NXPE2: variants seen among roughly 807,000 people sequenced by gnomAD.
NXPE2 encodes the protein NXPE family member 2.
NXPE2 carries 34 observed loss-of-function variants against 34.4 expected under a neutral mutation model. That is an observed-to-expected ratio of 0.99 (90% CI 0.75 to 1.31). The LOEUF (loss-of-function observed/expected upper bound fraction) is 1.31, where lower values mean the gene tolerates loss of function less well. NXPE2 is among the 40% of genes most tolerant of loss of function. NXPE2 has a pLI of 0.00. For missense variants in NXPE2, 649 were observed against 672.5 expected (o/e 0.97, Z 0.39); for synonymous variants, 235 against 231.3 (o/e 1.02, Z -0.15).
chr11:114,808,671 A>G, the NXPE2 span, among the ~76,000 whole-genome samples: 2 of 150,864 alleles, frequency 1.3e-5, no homozygotes, highest in Non-Finnish European at 2.9e-5. Flanking sequence ...GAATAGACCA[A>G]TAACAGGCTC....
the NXPE2 span, among the ~76,000 whole-genome samples, chr11:114,729,019 C>A: frequency 5.3e-5 from 8 of 151,956 alleles, no homozygotes; most frequent in Non-Finnish European, 1.0e-4. Flanking sequence ...TGATTTATCC[C>A]ATCACCCAGA....
the NXPE2 span, among the ~76,000 whole-genome samples, chr11:114,748,514 A>G: frequency 6.6e-6 from 1 of 152,142 alleles, no homozygotes. Flanking sequence ...CCCAATTCTC[A>G]GTCTTTTCTT....
At chr11:114,784,706 G>A in the NXPE2 span, among the ~76,000 whole-genome samples, 1 of 152,140 alleles carries the variant, frequency 6.6e-6, no homozygotes, top group Non-Finnish European at 1.5e-5. Context: ...GAGAGCATTT[G>A]TGTGGACCCA....
chr11:114,732,221 C>G, the NXPE2 span, among the ~76,000 whole-genome samples: 28 of 152,230 alleles, frequency 1.8e-4, no homozygotes, highest in Admixed American at 5.2e-4. Context: ...AAAATGTTCC[C>G]TTATCTCCAT....
At chr11:114,551,227 C>A in the NXPE2 span, 1 of 1,468,690 alleles carries the variant, frequency 6.8e-7, no homozygotes. Flanking sequence ...AGAGATGACA[C>A]AAGAGAGGAG....
the NXPE2 span, among the ~76,000 whole-genome samples, chr11:114,740,576 A>G: frequency 2.0e-5 from 3 of 152,164 alleles, no homozygotes; most frequent in Admixed American, 6.5e-5. Flanking sequence ...ACCAATTTAC[A>G]TTCCCACTAA....
At chr11:114,710,405 T>A (rs868486662), downstream of NXPE2, among the ~76,000 whole-genome samples, 21 of 152,200 alleles carry the variant, frequency 1.4e-4, no homozygotes, top group South Asian at 1.0e-3. Context: ...AAATGGGCAA[T>A]GAGACATTAA....
At chr11:114,795,165 C>T in the NXPE2 span, among the ~76,000 whole-genome samples, 1 of 152,142 alleles carries the variant, frequency 6.6e-6, no homozygotes, top group Non-Finnish European at 1.5e-5. Flanking sequence ...TGTATATTGA[C>T]AATCCTGGGA....
the NXPE2 span, among the ~76,000 whole-genome samples, chr11:114,731,177 G>A: frequency 6.6e-6 from 1 of 151,670 alleles, no homozygotes; most frequent in African/African-American, 2.4e-5. Flanking sequence ...TTTAAATTCT[G>A]TCCAACATAC....
At chr11:114,694,364 A>G (rs1237746083) in intron 2 of NXPE2, among the ~76,000 whole-genome samples, 2 of 152,178 alleles carry the variant, frequency 1.3e-5, no homozygotes, top group African/African-American at 2.4e-5. Context: ...GGCTTGTATC[A>G]TAATTTTAGG....
the NXPE2 span, among the ~76,000 whole-genome samples, chr11:114,520,277 C>G: frequency 6.6e-6 from 1 of 152,148 alleles, no homozygotes; most frequent in Non-Finnish European, 1.5e-5. Flanking sequence ...TTCCTCCCAG[C>G]CTGGATAACT....
chr11:114,609,311 C>T, the NXPE2 span, among the ~76,000 whole-genome samples: 3,218 of 151,758 alleles, frequency 0.021, 56 homozygotes, highest in Non-Finnish European at 0.032. Flanking sequence ...AGTATTGCCT[C>T]GTGGGTAACC....
At chr11:114,684,068 T>C (rs1459425321) in intron 2 of NXPE2, among the ~76,000 whole-genome samples, 2 of 152,114 alleles carry the variant, frequency 1.3e-5, no homozygotes, top group Admixed American at 1.3e-4. Context: ...TGAGGTCCTT[T>C]TAGGTCAACC....
the NXPE2 span, among the ~76,000 whole-genome samples, chr11:114,494,359 A>G: frequency 1.3e-5 from 2 of 151,944 alleles, no homozygotes; most frequent in East Asian, 1.9e-4. Flanking sequence ...GAGACTCTAG[A>G]TGTTGTAGGC....
chr11:114,547,972 G>A, the NXPE2 span, among the ~76,000 whole-genome samples: 1 of 151,716 alleles, frequency 6.6e-6, no homozygotes, highest in Non-Finnish European at 1.5e-5. Flanking sequence ...CTAACCTAAA[G>A]TAAAAAGTTT....
the NXPE2 span, among the ~76,000 whole-genome samples, chr11:114,625,345 GGTGT>G: frequency 6.6e-6 from 1 of 151,404 alleles, no homozygotes; most frequent in African/African-American, 2.4e-5. Context: ...ACTGTTACTG[GGTGT>G]ATAATAAGTA....
At chr11:114,617,248 T>C in the NXPE2 span, among the ~76,000 whole-genome samples, 1 of 152,160 alleles carries the variant, frequency 6.6e-6, no homozygotes, top group Non-Finnish European at 1.5e-5. Context: ...GGGTAACCAC[T>C]GTTACCTGGT....
chr11:114,597,679 C>G, the NXPE2 span, among the ~76,000 whole-genome samples: 1 of 151,854 alleles, frequency 6.6e-6, no homozygotes, highest in Non-Finnish European at 1.5e-5. Context: ...GATTCCATCA[C>G]TTTGTCAGGG....
At chr11:114,582,373 T>C in the NXPE2 span, 13 of 1,614,054 alleles carry the variant, frequency 8.1e-6, no homozygotes, top group Non-Finnish European at 1.1e-5. Flanking sequence ...GCACAGGGCA[T>C]GTGTTGAGGC....
Sources: gnomAD v4.1 joint callset for allele counts (sites outside exome capture counted in the v4.1 genomes callset) on GRCh38, gnomAD v4.1.1 for gene constraint, MANE v1.5 for transcripts, NCBI Gene and HGNC (gene_info 2026-07-23, HGNC 2026-07-21) for gene names.